DENND2B: variants seen among roughly 807,000 people sequenced by gnomAD.
DENND2B encodes DENN domain-containing protein 2B.
DENND2B carries 32 observed loss-of-function variants against 116.0 expected under a neutral mutation model. That is an observed-to-expected ratio of 0.28 (90% CI 0.21 to 0.37). The LOEUF (loss-of-function observed/expected upper bound fraction) is 0.37. DENND2B is among the 10% of genes least tolerant of loss of function. The pLI, the probability that DENND2B is intolerant of heterozygous loss-of-function variation, is 1.00. For missense variants in DENND2B, 1,276 were observed against 1,477.7 expected, an observed-to-expected ratio of 0.86 and a Z score of 2.24; for synonymous variants, 588 against 583.9, an observed-to-expected ratio of 1.01 and a Z score of -0.10.
At chr11:8,827,170 C>A (rs2062011042) in intron 4 of DENND2B, among the ~76,000 whole-genome samples, 2 of 152,222 alleles carry the variant, frequency 1.3e-5, no homozygotes, top group South Asian at 4.1e-4. Flanking sequence ...CCCTCCCTGT[C>A]TGGGGCTCCT....
intron 16 of DENND2B, 75 bp downstream of exon 16, chr11:8,698,858 T>C: frequency 6.5e-7 from 1 of 1,543,442 alleles, no homozygotes; most frequent in Non-Finnish European, 9.0e-7. Flanking sequence ...ACAAACAGGT[T>C]GTGAAGGTTG....
chr11:8,826,782 T>C (rs2061994600), intron 4 of DENND2B, among the ~76,000 whole-genome samples: 1 of 152,250 alleles, frequency 6.6e-6, no homozygotes, highest in African/African-American at 2.4e-5. Flanking sequence ...AGACATGCAC[T>C]GGGCCCATCC....
chr11:8,865,229 T>A (rs1342596107), intron 2 of DENND2B, among the ~76,000 whole-genome samples: 1 of 152,230 alleles, frequency 6.6e-6, no homozygotes, highest in Non-Finnish European at 1.5e-5. Flanking sequence ...TCGCAAAGGC[T>A]GGATTCTTCT....
At chr11:8,794,674 G>T (rs1200703528) in intron 1 of DENND2B, 1 of 152,292 alleles carries the variant, frequency 6.6e-6, no homozygotes, top group Non-Finnish European at 1.5e-5. Context: ...ATTGACTAAT[G>T]CAAGTGTCTC....
In DENND2B at chr11:8,750,607, G is replaced by C. The variant is rs374746284; in HGVS notation, c.80+14C>G. On this transcript the variant is annotated intron_variant, in intron 2 of 19. Coordinates refer to ENST00000313726, the MANE Select transcript of DENND2B (RefSeq NM_213618.2). Reference sequence around the variant, plus strand: ...TCCCTTGATGCCACCTCCCACAAGTGCTCCCTTACCCACCTGCTCAGAGTC... The same window carrying C: ...TCCCTTGATGCCACCTCCCACAAGTCCTCCCTTACCCACCTGCTCAGAGTC... 6.2e-7 allele frequency: 1 copy of C among 1,611,158 alleles called. No individual in the cohort carries two copies. Among genetic ancestry groups the C allele is most frequent in the Admixed American group, 1.7e-5 (1 of 59,938 alleles).
At chr11:8,873,716 A>G (rs980165896), upstream of DENND2B, among the ~76,000 whole-genome samples, 1 of 152,234 alleles carries the variant, frequency 6.6e-6, no homozygotes. Flanking sequence ...ATTACATCCT[A>G]TCTGCCTAGC....
intron 4 of DENND2B, among the ~76,000 whole-genome samples, chr11:8,837,541 T>G (rs909634594): frequency 2.0e-5 from 3 of 152,086 alleles, no homozygotes; most frequent in Non-Finnish European, 4.4e-5. Flanking sequence ...AGAGATGGGG[T>G]GTCATTCTGT....
At position 8,696,557 on chromosome 11, in the gene DENND2B, G is replaced by A. The variant is rs767023929; in HGVS notation, c.3162C>T (p.Ala1054=). The part of the protein sequence containing the change: ...FLTQSEKGER[A]FQREAFRKSV... ...ATTTGCGGAAGGCCTCTCGCTGAAA[G>A]GCCCTCTCTCCCTTCTCACTCTGTG... is the stretch of plus-strand genomic sequence containing the variant. The change falls in exon 18 of 20, where the codon GCC becomes GCT. Residue 1054 remains alanine, a synonymous_variant. Transcript: ENST00000313726. The A allele has an allele frequency of 1.2e-6, 2 of 1,614,204 alleles. No homozygotes were observed. Among genetic ancestry groups the A allele is most frequent in the Non-Finnish European group, 1.7e-6 (2 of 1,180,040 alleles).
At chr11:8,861,652 T>C (rs1247232469) in intron 2 of DENND2B, among the ~76,000 whole-genome samples, 1 of 152,190 alleles carries the variant, frequency 6.6e-6, no homozygotes, top group Non-Finnish European at 1.5e-5. Flanking sequence ...AAAATAGATC[T>C]ACCATTCAAT....
At chr11:8,802,043 A>G (rs6484496) in intron 1 of DENND2B, among the ~76,000 whole-genome samples, 81,532 of 147,270 alleles carry the variant, frequency 0.55, 22,940 homozygotes, top group Middle Eastern at 0.74. Context: ...GCTCACACCT[A>G]TAATCCCAGC....
At chr11:8,723,999 C>T (rs753372418) in intron 4 of DENND2B, among the ~76,000 whole-genome samples, 7 of 152,212 alleles carry the variant, frequency 4.6e-5, no homozygotes, top group Non-Finnish European at 8.8e-5. Flanking sequence ...GAACAGATGG[C>T]CCTCTCTTCA....
At chr11:8,746,077 G>T (rs1206013349) in intron 2 of DENND2B, among the ~76,000 whole-genome samples, 1 of 151,648 alleles carries the variant, frequency 6.6e-6, no homozygotes, top group Non-Finnish European at 1.5e-5. Flanking sequence ...TGGATTCTAG[G>T]AAGCATCTCG....
chr11:8,701,348 G>C (rs925832920), intron 14 of DENND2B, among the ~76,000 whole-genome samples: 660 of 54,598 alleles, frequency 0.012, 114 homozygotes, highest in African/African-American at 0.046. Flanking sequence ...AGCTTCCGGG[G>C]GGGGGGGGGG....
intron 1 of DENND2B, among the ~76,000 whole-genome samples, chr11:8,792,270 A>G (rs1179295443): frequency 6.6e-6 from 1 of 152,218 alleles, no homozygotes; most frequent in Non-Finnish European, 1.5e-5. Context: ...AATTAATTAC[A>G]GTTTAAATGT....
chr11:8,695,225 G>T (rs1366344754), intron 19 of DENND2B, among the ~76,000 whole-genome samples: 1 of 152,084 alleles, frequency 6.6e-6, no homozygotes, highest in Non-Finnish European at 1.5e-5. Context: ...GTGGATTTTG[G>T]TATCCTTGGG....
At chr11:8,724,992 A>G (rs1302398339) in intron 4 of DENND2B, among the ~76,000 whole-genome samples, 2 of 152,252 alleles carry the variant, frequency 1.3e-5, no homozygotes, top group Non-Finnish European at 2.9e-5. Flanking sequence ...CTTAGGCACA[A>G]GGGGAAACCC....
chr11:8,784,154 A>G (rs934753675), intron 1 of DENND2B: 1 of 152,004 alleles, frequency 6.6e-6, no homozygotes, highest in African/African-American at 2.4e-5. Context: ...CCCATCCCTC[A>G]TACACATTCA....
chr11:8,870,030 GC>G (rs1295754697), intron 2 of DENND2B, among the ~76,000 whole-genome samples: 4 of 152,160 alleles, frequency 2.6e-5, no homozygotes, highest in Non-Finnish European at 5.9e-5. Context: ...TCCCAAAATG[GC>G]CAGTTGCAGT....
At chr11:8,828,360 GCCCTGGGCAAAGCAAAGCCTCCTGCCCC>G (rs1345880573) in intron 4 of DENND2B, among the ~76,000 whole-genome samples, 1 of 152,138 alleles carries the variant, frequency 6.6e-6, no homozygotes, top group Non-Finnish European at 1.5e-5. Flanking sequence ...CAGGAGCCCA[GCCCTGGGCAAAGCAAAGCCTCCTGCCCC>G]CCAGGATGCA....
Sources: allele counts gnomAD v4.1 joint callset (sites outside exome capture counted in the v4.1 genomes callset), GRCh38; gene constraint gnomAD v4.1.1; transcripts MANE v1.5; gene names NCBI Gene and HGNC (gene_info 2026-07-23, HGNC 2026-07-21).